The following CDC42BPB variants were observed in gnomAD, a reference collection of about 807,000 sequenced individuals.
CDC42BPB encodes the protein serine/threonine-protein kinase MRCK beta.
Under a neutral mutation model 214.9 loss-of-function variants are expected in CDC42BPB, and 37 were observed. That is an observed-to-expected ratio of 0.17 (90% CI 0.13 to 0.23). CDC42BPB has a LOEUF of 0.23. Ranked by LOEUF, CDC42BPB falls within the 10% of genes least tolerant of loss-of-function variation. CDC42BPB has a pLI of 1.00. For missense variants in CDC42BPB, 1,694 were observed against 2,227.0 expected, an observed-to-expected ratio of 0.76 and a Z score of 4.82; for synonymous variants, 931 against 884.0, an observed-to-expected ratio of 1.05 and a Z score of -0.94.
intron 1 of CDC42BPB, among the ~76,000 whole-genome samples, chr14:103,034,784 C>T (rs1321811870): frequency 2.0e-5 from 3 of 149,278 alleles, no homozygotes; most frequent in African/African-American, 7.4e-5. Flanking sequence ...TGCCACTGCG[C>T]TCCAGCCTGG....
Position 102,933,739 on chromosome 14 carries a change from G to T in CDC42BPB, c.5109C>A (p.Gly1703=). Residue 1703 remains glycine, a synonymous_variant, in exon 37 of 37, where the codon GGC becomes GGA. Transcript: ENST00000361246. ...AGGTGTCACAGGCCGGCTGCTCCAG[G>T]CCTTCGAGGGGGAGCTGGCTCCTGT... ...SPHRSQLPLE[G]LEQPACDT The T allele has an allele frequency of 6.7e-7, 1 of 1,490,092 alleles. No individual in the cohort carries two copies. Among genetic ancestry groups the T allele is most frequent in the Non-Finnish European group, 8.8e-7 (1 of 1,135,310 alleles). The allele number at this position is 1,490,092 out of a possible 1,614,324, so 92.3% of individuals were successfully genotyped here. A position where few individuals can be genotyped will look rare whatever the true frequency, so the allele number is the denominator to read the frequency against.
Position 102,949,960 on chromosome 14 carries a change from C to A in CDC42BPB, c.3310-56G>T, listed in dbSNP as rs1566850106. The A allele has an allele frequency of 8.1e-6, 13 of 1,600,346 alleles. 1 individual carries two copies. The highest frequency in any genetic ancestry group is 1.8e-4 in the Middle Eastern group (1 of 5,662). Reference sequence around the variant, plus strand: ...CCACCAGGCCAGGCAGGCCGCCAGGCCCCATTACACTCGTTCACAATCTCC... The same window carrying A: ...CCACCAGGCCAGGCAGGCCGCCAGGACCCATTACACTCGTTCACAATCTCC... On this transcript the variant is annotated intron_variant, in intron 25 of 36. Transcript: ENST00000361246.
intron 1 of CDC42BPB, among the ~76,000 whole-genome samples, chr14:103,021,304 T>G (rs1886757712): frequency 6.6e-6 from 1 of 151,974 alleles, no homozygotes; most frequent in Non-Finnish European, 1.5e-5. Context: ...ACTAAAAATA[T>G]TTTTTAAAAA....
At chr14:103,020,114 C>T (rs373857085) in intron 1 of CDC42BPB, among the ~76,000 whole-genome samples, 54 of 152,352 alleles carry the variant, frequency 3.5e-4, no homozygotes, top group African/African-American at 1.2e-3. Flanking sequence ...TCTCCGCCTC[C>T]CCCTGGATGG....
chr14:102,952,484 G>A lies in CDC42BPB; in HGVS notation c.3172+14C>T. The stretch of plus-strand genomic sequence containing the variant: ...GCTGTGCACGCTGACCCCAGGAGCT[G>A]CAACGACACTCACCCTCGCAGGCGT... On this transcript the variant is annotated intron_variant, in intron 24 of 36. Transcript: ENST00000361246. 1 of 1,573,604 alleles carries A rather than the reference G, an allele frequency of 6.4e-7. No individual in the cohort carries two copies.
At chr14:102,983,508 T>C (rs1894100575) in intron 7 of CDC42BPB, 48 bp downstream of exon 7, 1 of 1,594,378 alleles carries the variant, frequency 6.3e-7, no homozygotes, top group Non-Finnish European at 8.5e-7. Context: ...CTCTGTACTT[T>C]AGGCCTGAGC....
chr14:103,007,798 A>AAAC (rs1885924524), intron 3 of CDC42BPB, among the ~76,000 whole-genome samples: 1 of 151,766 alleles, frequency 6.6e-6, no homozygotes, highest in Non-Finnish European at 1.5e-5. Flanking sequence ...CTGAAGCAGG[A>AAAC]AGCAGGTCAA....
At chr14:103,003,414 C>A (rs1252269055) in intron 4 of CDC42BPB, among the ~76,000 whole-genome samples, 1 of 152,212 alleles carries the variant, frequency 6.6e-6, no homozygotes, top group Non-Finnish European at 1.5e-5. Flanking sequence ...TCCATCTGTC[C>A]TGAAAGCAAG....
rs962655009 is a variant in CDC42BPB at position 102,954,245 on chromosome 14, C to T, written c.3019G>A (p.Ala1007Thr). ...DMARPPQRPS[A>T]VPLPTTQALA... ...GCCTGCGTGGTGGGCAACGGCACAG[C>T]GGATGGCCTCTGCGGGGGCCGAGCC... Residue 1007 changes from alanine (A) to threonine (T), a missense_variant, in exon 23 of 37, where the codon GCT becomes ACT. Physicochemically the swap from Ala to Thr is moderately conservative, Grantham distance 58. Transcript: ENST00000361246. 2.8e-5 allele frequency: 43 copies of T among 1,542,544 alleles called. No individual in the cohort carries two copies. The highest frequency in any genetic ancestry group is 4.9e-5 in the South Asian group (4 of 82,340).
chr14:103,055,162 C>A (rs1450367902), intron 1 of CDC42BPB, among the ~76,000 whole-genome samples: 2 of 152,284 alleles, frequency 1.3e-5, no homozygotes, highest in Admixed American at 6.5e-5. Flanking sequence ...GTGGCTCACG[C>A]CTGTAATCCC....
chr14:103,048,767 G>A (rs968690779), intron 1 of CDC42BPB, among the ~76,000 whole-genome samples: 1 of 149,170 alleles, frequency 6.7e-6, no homozygotes, highest in African/African-American at 2.5e-5. Context: ...CCAGCTACTC[G>A]GGAGACTGAG....
At chr14:103,026,722 G>T (rs937803469) in intron 1 of CDC42BPB, among the ~76,000 whole-genome samples, 2 of 151,968 alleles carry the variant, frequency 1.3e-5, no homozygotes, top group Admixed American at 1.3e-4. Flanking sequence ...TAAAAAATTA[G>T]CCAGGCATGG....
In CDC42BPB at chr14:102,959,354, A is replaced by C. The variant is rs141121430; in HGVS notation, c.2901+277T>G. ...TGAGGCCAGTGCAGATTTCTCCCTG[A>C]AGAGGCTGAGCACTTTCTTAATCTC... On this transcript the variant is annotated intron_variant, in intron 21 of 36. Coordinates refer to ENST00000361246, the MANE Select transcript of CDC42BPB (RefSeq NM_006035.4). Among the ~76,000 whole-genome samples, 15 of 152,172 alleles carry C rather than the reference A, an allele frequency of 9.9e-5. No individual in the cohort carries two copies. In the East Asian group the frequency reaches 2.3e-3, roughly 24 times the overall value.
intron 3 of CDC42BPB, 78 bp downstream of exon 3, chr14:103,008,394 T>G (rs1885968510): frequency 3.1e-6 from 3 of 962,144 alleles, no homozygotes; most frequent in African/African-American, 3.2e-5. Flanking sequence ...TGGCTGCAGC[T>G]TTTCCCCAGC....
chr14:102,950,645 C>A, intron 24 of CDC42BPB, 43 bp from the exon 25 acceptor site: 1 of 1,500,990 alleles, frequency 6.7e-7, no homozygotes, highest in Admixed American at 2.3e-5. Flanking sequence ...TTGCTGCCTA[C>A]AGAGAAGTCA....
At position 102,980,830 on chromosome 14, in the gene CDC42BPB, C is replaced by T; in HGVS notation, c.1083G>A (p.Val361=). 1 of 1,614,204 alleles carries T rather than the reference C, an allele frequency of 6.2e-7. No individual in the cohort carries two copies. Among genetic ancestry groups the T allele is most frequent in the Non-Finnish European group, 8.5e-7 (1 of 1,180,040 alleles). The change falls in exon 8 of 37, where the codon GTG becomes GTA. Residue 361 remains valine (V), a synonymous_variant. Transcript: ENST00000361246. The part of the protein sequence containing the change: ...RNLEAPYIPD[V]SSPSDTSNFD... Reference sequence around the variant, plus strand: ...AGTTGGATGTGTCAGAGGGACTGCTCACATCAGGAATATAAGGTGCTTCTA... The same window carrying T: ...AGTTGGATGTGTCAGAGGGACTGCTTACATCAGGAATATAAGGTGCTTCTA...
intron 6 of CDC42BPB, among the ~76,000 whole-genome samples, chr14:102,985,390 A>G (rs1055434617): frequency 2.8e-5 from 4 of 143,158 alleles, no homozygotes; most frequent in African/African-American, 7.8e-5. Flanking sequence ...ATACCGTGAC[A>G]GGGTGGTGTG....
chr14:102,993,183 T>C (rs1399881316), intron 5 of CDC42BPB, among the ~76,000 whole-genome samples: 2 of 152,186 alleles, frequency 1.3e-5, no homozygotes, highest in Non-Finnish European at 2.9e-5. Flanking sequence ...CTTGGAAGTG[T>C]CTACTATACA....
intron 5 of CDC42BPB, among the ~76,000 whole-genome samples, chr14:102,996,986 C>G (rs1894769218): frequency 6.6e-6 from 1 of 152,172 alleles, no homozygotes. Context: ...GAGCCATCAG[C>G]AATGAGGCTA....
Sources: allele counts gnomAD v4.1 joint callset (sites outside exome capture counted in the v4.1 genomes callset), GRCh38; gene constraint gnomAD v4.1.1; transcripts MANE v1.5; gene names NCBI Gene and HGNC (gene_info 2026-07-23, HGNC 2026-07-21).